Variants in PCBP3 observed in about 807,000 individuals in gnomAD.
PCBP3 encodes poly(rC)-binding protein 3.
A neutral mutation model predicts 52.7 loss-of-function variants in PCBP3; 25 were observed. The observed-to-expected ratio is 0.47, with a 90% CI of 0.35 to 0.66. PCBP3 has a LOEUF of 0.66. PCBP3 is among the 30% of genes least tolerant of loss of function. The pLI is 0.01. For missense variants in PCBP3, 391 were observed against 490.3 expected (o/e 0.80, Z 1.91); for synonymous variants, 162 against 183.0 (o/e 0.89, Z 0.93).
rs575737911 is a variant in PCBP3 at position 45,801,373 on chromosome 21, T to C, written c.-126+45921T>C. 2.0e-5 allele frequency among the ~76,000 whole-genome samples: 3 copies of C among 152,312 alleles called. No individual in the cohort carries two copies. The South Asian group carries it at 6.2e-4, about 32-fold the overall frequency. ...GACAGCCAGTGTCTGGGCTGGCCCC[T>C]CCCTGCTGGCTGCAGGGCCCCTGGG... is the stretch of plus-strand genomic sequence containing the variant. On this transcript the variant is annotated intron_variant, in intron 4 of 17. Transcript: ENST00000681687.
intron 1 of PCBP3, among the ~76,000 whole-genome samples, chr21:45,654,212 A>G (rs1031453370): frequency 6.6e-6 from 1 of 152,092 alleles, no homozygotes; most frequent in African/African-American, 2.4e-5. Flanking sequence ...TTATTCAGAT[A>G]CTTGTCTTTT....
intron 4 of PCBP3, among the ~76,000 whole-genome samples, chr21:45,803,351 A>G (rs1310756687): frequency 6.6e-6 from 1 of 151,976 alleles, no homozygotes; most frequent in African/African-American, 2.4e-5. Flanking sequence ...AGCCATTTTT[A>G]TTGTTTTTAT....
At chr21:45,718,568 C>T (rs536346417) in intron 2 of PCBP3, among the ~76,000 whole-genome samples, 36 of 151,946 alleles carry the variant, frequency 2.4e-4, no homozygotes, top group Non-Finnish European at 3.7e-4. Flanking sequence ...TTGGATGCAG[C>T]TCGGGGGAAG....
intron 4 of PCBP3, among the ~76,000 whole-genome samples, chr21:45,841,361 C>A (rs919585628): frequency 3.3e-5 from 5 of 151,670 alleles, no homozygotes. Context: ...TATTCCTGTG[C>A]CTTCTGTGAT....
chr21:45,812,627 G>A (rs2092714875), intron 4 of PCBP3, among the ~76,000 whole-genome samples: 1 of 152,210 alleles, frequency 6.6e-6, no homozygotes, highest in Non-Finnish European at 1.5e-5. Flanking sequence ...GCTGGCCTCA[G>A]GTGATCCGCC....
chr21:45,904,115 G>A lies in PCBP3; in HGVS notation c.339+3002G>A, dbSNP rs116555574. On this transcript the variant is annotated intron_variant, in intron 9 of 17. Transcript: ENST00000681687. This position sits in a 1 kb window ranked among gnomAD's most constrained non-coding sequence, Gnocchi z 4.8. ...TGGGAAGATGTCATGGGAAGCAGCC[G>A]TAACCTACGCTATTACGTAGGTTAT... is the stretch of plus-strand genomic sequence containing the variant. Among the ~76,000 whole-genome samples, 534 of 152,298 alleles carry A rather than the reference G, an allele frequency of 3.5e-3. 1 individual carries two copies. The highest frequency in any genetic ancestry group is 0.011 in the African/African-American group (472 of 41,568).
chr21:45,789,938 G>A (rs965848287), intron 4 of PCBP3, among the ~76,000 whole-genome samples: 1 of 152,164 alleles, frequency 6.6e-6, no homozygotes, highest in Non-Finnish European at 1.5e-5. Context: ...AGGAGATGGA[G>A]ACCATCCTGG....
intron 9 of PCBP3, among the ~76,000 whole-genome samples, chr21:45,902,252 C>T (rs7283556): frequency 0.33 from 48,589 of 146,124 alleles, 8,788 homozygotes; most frequent in East Asian, 0.68. Flanking sequence ...CAAGGCTGGA[C>T]ACTGCAGACA....
intron 2 of PCBP3, among the ~76,000 whole-genome samples, chr21:45,713,908 G>A (rs1452098910): frequency 1.3e-5 from 2 of 152,242 alleles, no homozygotes; most frequent in Non-Finnish European, 2.9e-5. Context: ...TATGAAAGGG[G>A]CCTGTTGCCA....
At position 45,941,966 on chromosome 21, in the gene PCBP3, A is replaced by G. The variant is rs1033691051; in HGVS notation, c.*260A>G. On this transcript the variant is annotated 3_prime_UTR_variant, in exon 18 of 18. Transcript: ENST00000681687. ...CCCGTCTGCCCATGCACCGGCATGC[A>G]GTGGTAATTATTTTAGAAATATTGT... is the stretch of plus-strand genomic sequence containing the variant. 4.9e-6 allele frequency: 2 copies of G among 410,914 alleles called. No individual in the cohort carries two copies. The highest frequency in any genetic ancestry group is 2.1e-5 in the African/African-American group (1 of 48,592). 25.5% of individuals were successfully genotyped at this position (410,914 alleles called of 1,614,324 possible).
rs753021850 is a variant in PCBP3, at chr21:45,827,253, G to A, written c.-125-22708G>A. On this transcript the variant is annotated intron_variant, in intron 4 of 17. Coordinates refer to ENST00000681687, the MANE Select transcript of PCBP3 (RefSeq NM_001384156.1). The surrounding 1 kb of genome is among the most constrained non-coding windows in gnomAD (Gnocchi z 4.3). ...ACCTAGATGCCTCTTCTAACCTGGC[G>A]GCAATGAGGCAGCACACCTCTGCCC... Among the ~76,000 whole-genome samples the A allele has an allele frequency of 1.2e-4, 19 of 152,120 alleles. No individual in the cohort carries two copies. Among genetic ancestry groups the A allele is most frequent in the African/African-American group, 1.9e-4 (8 of 41,430 alleles).
At chr21:45,881,723 A>G (rs1299223988) in intron 5 of PCBP3, among the ~76,000 whole-genome samples, 2 of 150,012 alleles carry the variant, frequency 1.3e-5, no homozygotes, top group African/African-American at 4.9e-5. Context: ...ATTTCCCCCA[A>G]CCCCCCGCAG....
At chr21:45,936,090 CT>C (rs2076863605) in intron 16 of PCBP3, among the ~76,000 whole-genome samples, 1 of 152,232 alleles carries the variant, frequency 6.6e-6, no homozygotes, top group Non-Finnish European at 1.5e-5. Flanking sequence ...GGAATCTTCA[CT>C]GTTCTGCCCC....
intron 4 of PCBP3, among the ~76,000 whole-genome samples, chr21:45,835,465 T>C (rs9983643): frequency 0.82 from 124,538 of 152,230 alleles, 51,423 homozygotes; most frequent in East Asian, 0.93. Flanking sequence ...CGTCAGCTCC[T>C]GGCCGCAGCC....
At position 45,853,802 on chromosome 21, in the gene PCBP3, A is replaced by G. The variant is rs549996818; in HGVS notation, c.10+3707A>G. ...ATACTTTGCAAGAGCATATGTGAGTAAGAGTCAGGCACTCGGTGTTTTAGA... is the reference window on the plus strand; with the variant it reads ...ATACTTTGCAAGAGCATATGTGAGTGAGAGTCAGGCACTCGGTGTTTTAGA... On this transcript the variant is annotated intron_variant, in intron 5 of 17. Coordinates refer to ENST00000681687, the MANE Select transcript of PCBP3 (RefSeq NM_001384156.1). This position sits in a 1 kb window ranked among gnomAD's most constrained non-coding sequence, Gnocchi z 4.6. 1.3e-5 allele frequency among the ~76,000 whole-genome samples: 2 copies of G among 152,356 alleles called. No individual in the cohort carries two copies. Among genetic ancestry groups the G allele is most frequent in the Admixed American group, 1.3e-4 (2 of 15,304 alleles).
At chr21:45,672,220 G>A (rs2081216348) in intron 2 of PCBP3, among the ~76,000 whole-genome samples, 1 of 152,156 alleles carries the variant, frequency 6.6e-6, no homozygotes, top group South Asian at 2.1e-4. Context: ...GGACTCTGCA[G>A]AGTCCCCACC....
At chr21:45,931,364 A>G (rs529872491) in intron 15 of PCBP3, among the ~76,000 whole-genome samples, 1 of 152,376 alleles carries the variant, frequency 6.6e-6, no homozygotes. Flanking sequence ...CCATGTGCAC[A>G]TGGCCGGTGC....
rs530510895 is a variant in PCBP3 at position 45,817,262 on chromosome 21, G to T, written c.-125-32699G>T. Among the ~76,000 whole-genome samples the T allele has an allele frequency of 5.6e-4, 85 of 152,262 alleles. No individual in the cohort carries two copies. Among genetic ancestry groups the T allele is most frequent in the African/African-American group, 1.9e-3 (81 of 41,542 alleles). On this transcript the variant is annotated intron_variant, in intron 4 of 17. Coordinates refer to ENST00000681687, the MANE Select transcript of PCBP3 (RefSeq NM_001384156.1). This position sits in a 1 kb window ranked among gnomAD's most constrained non-coding sequence, Gnocchi z 4.3. ...CTCCTCCTAAGGTGTAGCCTTTCAT[G>T]GGTCTCAAGTGAACACCCTGGATGC...
At chr21:45,901,157 G>A (rs754718157) in intron 9 of PCBP3, 44 bp downstream of exon 9, 1 of 1,415,456 alleles carries the variant, frequency 7.1e-7, no homozygotes, top group Non-Finnish European at 1.0e-6. Flanking sequence ...GCGGGGGCAG[G>A]CCTGGTCCCA....
Sources: gnomAD v4.1 joint callset for allele counts (sites outside exome capture counted in the v4.1 genomes callset) on GRCh38, gnomAD v4.1.1 for gene constraint, Gnocchi (gnomAD v3.1) non-coding constraint, MANE v1.5 for transcripts, NCBI Gene and HGNC (gene_info 2026-07-23, HGNC 2026-07-21) for gene names.